NDUFAF7: variants seen among roughly 807,000 people sequenced by gnomAD.
The protein encoded by NDUFAF7 is NADH:ubiquinone oxidoreductase complex assembly factor 7, also known as protein arginine methyltransferase NDUFAF7, mitochondrial.
NDUFAF7 carries 48 observed loss-of-function variants against 47.2 expected under a neutral mutation model. The ratio of observed to expected loss-of-function variants is 1.02; its 90% CI spans 0.81 to 1.29. The LOEUF (loss-of-function observed/expected upper bound fraction) is 1.29, where lower values mean the gene tolerates loss of function less well. NDUFAF7 is among the 50% of genes most tolerant of loss of function. NDUFAF7 has a pLI of 0.00. For synonymous variants in NDUFAF7, 217 were observed against 190.0 expected (o/e 1.14, Z -1.17); for missense variants, 635 against 537.6 (o/e 1.18, Z -1.79).
Position 37,247,686 on chromosome 2 carries a change from C to G in NDUFAF7, c.1110+57C>G, listed in dbSNP as rs532958722. 999 of 1,584,730 alleles carry G rather than the reference C, an allele frequency of 6.3e-4. 15 individuals carry two copies. In the South Asian group the frequency reaches 0.01, roughly 17 times the overall value. On this transcript the variant is annotated intron_variant, in intron 9 of 9. Coordinates refer to ENST00000002125, the MANE Select transcript of NDUFAF7 (RefSeq NM_144736.5). ...TACTTTCATAGTATTTCAAAAATTA[C>G]TTTAAATAGTATGTTCACCTGGCCT... is the stretch of plus-strand genomic sequence containing the variant.
chr2:37,258,709 C>T, the NDUFAF7 span, among the ~76,000 whole-genome samples: 2 of 152,172 alleles, frequency 1.3e-5, no homozygotes, highest in African/African-American at 2.4e-5. Context: ...CTTTTAACCA[C>T]ATAAACATAA....
chr2:37,241,901 G>A (rs1666390896), intron 5 of NDUFAF7, 110 bp downstream of exon 5: 8 of 964,276 alleles, frequency 8.3e-6, no homozygotes, highest in Non-Finnish European at 1.2e-5. Context: ...CTGCTGCCAA[G>A]TCCCTTATCC....
chr2:37,268,675 A>C, the NDUFAF7 span: 1 of 200,234 alleles, frequency 5.0e-6, no homozygotes. Context: ...GCCCTGAAGT[A>C]TGAAAAAATG....
rs1195059937 is a variant in NDUFAF7, at chr2:37,232,210, A to G, written c.160A>G (p.Thr54Ala). The G allele has an allele frequency of 3.7e-6, 6 of 1,613,954 alleles. No individual in the cohort carries two copies. The highest frequency in any genetic ancestry group is 1.1e-5 in the South Asian group (1 of 91,064). Residue 54 changes from threonine (T) to alanine (A), a missense_variant, in exon 2 of 10, where the codon ACT becomes GCT. By Grantham distance (58) the Thr-to-Ala change is moderately conservative. Transcript: ENST00000002125. ...LRHLMYKIKS[T>A]GPITVAEYMK... ...GCATCTTATGTACAAAATAAAGTCT[A>G]CTGGTCCCATCACTGTGGCCGAGTA...
chr2:37,241,714 C>T lies in NDUFAF7; in HGVS notation c.545C>T (p.Ser182Phe). 2 of 1,613,900 alleles carry T rather than the reference C, an allele frequency of 1.2e-6. No individual in the cohort carries two copies. Among genetic ancestry groups the T allele is most frequent in the African/African-American group, 2.7e-5 (2 of 74,956 alleles). Residue 182 changes from serine (S) to phenylalanine (F), a missense_variant, in exon 5 of 10, where the codon TCC (serine) becomes TTC (phenylalanine). Transcript: ENST00000002125. ...EKVPLERNAG[S>F]PVYMKGVTKS... ...GTCCCGTTAGAGCGAAATGCTGGAT[C>T]CCCAGTGTATATGAAAGGTGTCACT...
At chr2:37,259,514 G>T in the NDUFAF7 span, 1 of 1,242,970 alleles carries the variant, frequency 8.0e-7, no homozygotes, top group Non-Finnish European at 1.2e-6. Flanking sequence ...TTAGTACACT[G>T]CCTTTTATTA....
chr2:37,235,331 G>A (rs1665640150), intron 2 of NDUFAF7, among the ~76,000 whole-genome samples: 1 of 151,934 alleles, frequency 6.6e-6, no homozygotes, highest in Non-Finnish European at 1.5e-5. Flanking sequence ...CAAGTTTACA[G>A]CTCAATGAAT....
intron 4 of NDUFAF7, among the ~76,000 whole-genome samples, chr2:37,238,666 C>G (rs1388958256): frequency 2.0e-5 from 3 of 151,826 alleles, no homozygotes; most frequent in Non-Finnish European, 4.4e-5. Context: ...TTAAAAACTT[C>G]TTGCTCTACA....
At chr2:37,243,143 A>G (rs1218136737) in intron 6 of NDUFAF7, among the ~76,000 whole-genome samples, 1 of 152,106 alleles carries the variant, frequency 6.6e-6, no homozygotes, top group African/African-American at 2.4e-5. Flanking sequence ...AGCACATTTT[A>G]AAAAATTATA....
downstream of NDUFAF7, chr2:37,254,352 C>G (rs1175077605): frequency 2.3e-6 from 3 of 1,318,306 alleles, no homozygotes; most frequent in Non-Finnish European, 3.3e-6. Context: ...AAACTTGTGA[C>G]TGCCTAGAAG....
At chr2:37,266,904 T>A in the NDUFAF7 span, among the ~76,000 whole-genome samples, 2 of 152,228 alleles carry the variant, frequency 1.3e-5, no homozygotes, top group Admixed American at 6.5e-5. Context: ...AGGATCAAGC[T>A]AAATTTTAAT....
intron 4 of NDUFAF7, 41 bp downstream of exon 4, chr2:37,237,908 AT>A: frequency 7.2e-7 from 1 of 1,379,656 alleles, no homozygotes; most frequent in East Asian, 2.3e-5. Context: ...ATATAAGTGA[AT>A]TTTAGTACTT....
chr2:37,267,726 G>A, the NDUFAF7 span: 2 of 515,282 alleles, frequency 3.9e-6, no homozygotes, highest in Non-Finnish European at 6.8e-6. Context: ...CATAATATTT[G>A]CCCCTAATAA....
the NDUFAF7 span, chr2:37,269,114 T>C: frequency 2.4e-5 from 4 of 164,288 alleles, no homozygotes; most frequent in Non-Finnish European, 5.4e-5. Context: ...GGTCAGGTTT[T>C]ATTAGTTCCA....
At chr2:37,254,179 AAAG>A, downstream of NDUFAF7, 1 of 1,552,588 alleles carries the variant, frequency 6.4e-7, no homozygotes, top group Non-Finnish European at 8.9e-7. Context: ...GAGGATTGCC[AAAG>A]AGAGATTACA....
At chr2:37,268,400 T>C in the NDUFAF7 span, 5 of 469,334 alleles carry the variant, frequency 1.1e-5, no homozygotes, top group Non-Finnish European at 2.2e-5. Flanking sequence ...AGATATTATA[T>C]ATGCATGCAG....
chr2:37,237,234 T>A (rs1262702867), intron 3 of NDUFAF7, among the ~76,000 whole-genome samples: 1 of 152,254 alleles, frequency 6.6e-6, no homozygotes, highest in Non-Finnish European at 1.5e-5. Flanking sequence ...CCTCCCAAAG[T>A]GCTGGGATTA....
chr2:37,231,726 A>G lies in NDUFAF7; in HGVS notation c.21A>G (p.Ser7=). The G allele has an allele frequency of 6.2e-7, 1 of 1,614,192 alleles. No individual in the cohort carries two copies. The highest frequency in any genetic ancestry group is 1.1e-5 in the South Asian group (1 of 91,088). Residue 7 remains serine (S), a synonymous_variant, in exon 1 of 10, where the codon TCA becomes TCG. Transcript: ENST00000002125. MSVLLR[S]GLGPLCAVAR... ...TCAGCATGAGTGTACTGCTGAGGTC[A>G]GGTTTGGGGCCGTTGTGTGCCGTGG... is the stretch of plus-strand genomic sequence containing the variant.
Position 37,241,691 on chromosome 2 carries a change from C to T in NDUFAF7, c.522C>T (p.Val174=). 6.2e-7 allele frequency: 1 copy of T among 1,613,908 alleles called. No homozygotes were observed. Among genetic ancestry groups the T allele is most frequent in the Non-Finnish European group, 8.5e-7 (1 of 1,179,998 alleles). ...CATTGACACTGACTAAAGAGAAGGTCCCGTTAGAGCGAAATGCTGGATCCC... is the reference window on the plus strand; with the variant it reads ...CATTGACACTGACTAAAGAGAAGGTTCCGTTAGAGCGAAATGCTGGATCCC... ...IQALTLTKEK[V]PLERNAGSPV... is the part of the protein sequence containing the mutation. The change falls in exon 5 of 10, where the codon GTC becomes GTT. Residue 174 remains valine, a synonymous_variant. Transcript: ENST00000002125.
Sources: gnomAD v4.1 joint callset for allele counts (sites outside exome capture counted in the v4.1 genomes callset) on GRCh38, gnomAD v4.1.1 for gene constraint, MANE v1.5 for transcripts, NCBI Gene and HGNC (gene_info 2026-07-23, HGNC 2026-07-21) for gene names.